The following LRRC7 variants were observed in gnomAD, a reference collection of about 807,000 sequenced individuals.
The protein encoded by LRRC7 is leucine-rich repeat-containing protein 7.
In LRRC7, 23 loss-of-function variants were observed where a neutral mutation model predicts 175.7. That is an observed-to-expected ratio of 0.13 (90% CI 0.09 to 0.19). The LOEUF (loss-of-function observed/expected upper bound fraction) is 0.19, where lower values mean the gene tolerates loss of function less well. LRRC7 is among the 10% of genes least tolerant of loss of function. LRRC7 has a pLI of 1.00. For synonymous variants in LRRC7, 685 were observed against 680.9 expected, an observed-to-expected ratio of 1.01 and a Z score of -0.09; for missense variants, 1,354 against 1,904.7, an observed-to-expected ratio of 0.71 and a Z score of 5.38.
At chr1:70,025,530 A>G (rs1274477201) in intron 17 of LRRC7, among the ~76,000 whole-genome samples, 1 of 152,080 alleles carries the variant, frequency 6.6e-6, no homozygotes, top group Non-Finnish European at 1.5e-5. Flanking sequence ...CATTAGAAGT[A>G]GTATCTCATC....
intron 8 of LRRC7, among the ~76,000 whole-genome samples, chr1:69,971,956 A>C (rs1229370707): frequency 6.6e-6 from 1 of 152,232 alleles, no homozygotes; most frequent in Admixed American, 6.5e-5. Flanking sequence ...TAGCGAACTC[A>C]GAAATAAACC....
chr1:69,818,301 G>A (rs189354382), intron 4 of LRRC7, among the ~76,000 whole-genome samples: 5 of 152,062 alleles, frequency 3.3e-5, no homozygotes, highest in Admixed American at 2.0e-4. Context: ...TACCTAATTT[G>A]TGGAGAGTTT....
chr1:69,601,397 G>A (rs10889840), intron 1 of LRRC7, among the ~76,000 whole-genome samples: 38,480 of 151,906 alleles, frequency 0.25, 5,431 homozygotes, highest in East Asian at 0.36. Flanking sequence ...TAACCTCCCC[G>A]TCCAACAGTA....
chr1:70,065,350 C>G (rs1449285920), intron 23 of LRRC7, among the ~76,000 whole-genome samples: 2 of 151,902 alleles, frequency 1.3e-5, no homozygotes, highest in South Asian at 2.1e-4. Flanking sequence ...GTTTTCCCAT[C>G]TAAGAGGAAA....
rs74920052 is a variant in LRRC7 at position 69,727,467 on chromosome 1, A to G, written c.101-32724A>G. On this transcript the variant is annotated intron_variant, in intron 2 of 26. Transcript: ENST00000651989. ...TTAGATAGCTACTTCTTTTACTTAT[A>G]TGTCCTGCAATTAAGTAGCTGTCTT... Among the ~76,000 whole-genome samples the G allele has an allele frequency of 6.2e-3, 951 of 152,258 alleles. 3 individuals carry two copies. Among genetic ancestry groups the G allele is most frequent in the African/African-American group, 0.022 (900 of 41,542 alleles).
chr1:70,015,712 A>G (rs1168608114), intron 13 of LRRC7, among the ~76,000 whole-genome samples: 1 of 152,174 alleles, frequency 6.6e-6, no homozygotes, highest in Non-Finnish European at 1.5e-5. Flanking sequence ...TTGATTGAAT[A>G]CCAAGGCTAA....
intron 8 of LRRC7, among the ~76,000 whole-genome samples, chr1:69,979,694 C>A (rs1480008474): frequency 6.6e-6 from 1 of 152,012 alleles, no homozygotes; most frequent in African/African-American, 2.4e-5. Context: ...AACTATTCAA[C>A]AAATAATTAT....
intron 18 of LRRC7, among the ~76,000 whole-genome samples, chr1:70,034,975 A>G (rs1470995069): frequency 6.6e-6 from 1 of 152,188 alleles, no homozygotes; most frequent in East Asian, 1.9e-4. Context: ...TAAAATTTAT[A>G]GTAAGAGTTT....
At chr1:69,711,856 C>T (rs1035754863) in intron 2 of LRRC7, among the ~76,000 whole-genome samples, 1 of 152,240 alleles carries the variant, frequency 6.6e-6, no homozygotes, top group East Asian at 1.9e-4. Context: ...AGTAGCATGT[C>T]GGAGGCAGGT....
At chr1:69,591,789 ATTC>A (rs1646645757) in intron 1 of LRRC7, among the ~76,000 whole-genome samples, 1 of 151,978 alleles carries the variant, frequency 6.6e-6, no homozygotes, top group South Asian at 2.1e-4. Flanking sequence ...GCCATTTTTT[ATTC>A]TTATTAATGA....
chr1:69,785,444 C>G (rs1466574521), intron 3 of LRRC7, among the ~76,000 whole-genome samples: 1 of 152,100 alleles, frequency 6.6e-6, no homozygotes, highest in East Asian at 1.9e-4. Context: ...TTAATCCATT[C>G]TGACAGTCTG....
Position 69,699,280 on chromosome 1 carries a change from G to A in LRRC7, c.100+20802G>A, listed in dbSNP as rs764948584. ...ATCCCAACCGAGTGTGGTGGCTCAC[G>A]CCTGTAATCCCAGCACTTTGGGAGG... On this transcript the variant is annotated intron_variant, in intron 2 of 26. Transcript: ENST00000651989. 2.6e-5 allele frequency among the ~76,000 whole-genome samples: 4 copies of A among 152,232 alleles called. No homozygotes were observed. The East Asian group carries it at 5.8e-4, about 22-fold the overall frequency.
intron 1 of LRRC7, among the ~76,000 whole-genome samples, chr1:69,626,554 T>A (rs2100348646): frequency 6.6e-6 from 1 of 152,130 alleles, no homozygotes; most frequent in Non-Finnish European, 1.5e-5. Flanking sequence ...TACTTTATTT[T>A]AAAATTTTAT....
At chr1:69,637,080 T>TCTCTCTCTCTCTCTCTCTCTCTC (rs1553130024) in intron 1 of LRRC7, among the ~76,000 whole-genome samples, 3 of 148,692 alleles carry the variant, frequency 2.0e-5, no homozygotes, top group Non-Finnish European at 4.5e-5. Flanking sequence ...CCTTCTCTCT[T>TCTCTCTCTCTCTCTCTCTCTCTC]TCTCTCTCTC....
rs943486114 is a variant in LRRC7, at chr1:70,123,036, A to G, written c.*1149A>G. 2 of 152,482 alleles carry G rather than the reference A, an allele frequency of 1.3e-5. No individual in the cohort carries two copies. Among genetic ancestry groups the G allele is most frequent in the Non-Finnish European group, 2.9e-5 (2 of 67,950 alleles). The allele number at this position is 152,482 out of a possible 1,614,324, so 9.4% of individuals were successfully genotyped here. ...TTTTCTGGGCAGAAATAGATAAAAT[A>G]CTTTTTTTCCAAAAACAGTTTCAAG... On this transcript the variant is annotated 3_prime_UTR_variant, in exon 27 of 27. Transcript: ENST00000651989.
At chr1:69,648,748 G>A (rs1655360685) in intron 1 of LRRC7, among the ~76,000 whole-genome samples, 3 of 152,174 alleles carry the variant, frequency 2.0e-5, no homozygotes, top group Non-Finnish European at 4.4e-5. Flanking sequence ...GGGCTTCTCA[G>A]CTCCTCCACC....
At chr1:69,917,816 T>C (rs1646765639) in intron 7 of LRRC7, among the ~76,000 whole-genome samples, 1 of 152,188 alleles carries the variant, frequency 6.6e-6, no homozygotes, top group African/African-American at 2.4e-5. Context: ...CAAAATCTTT[T>C]AAATCCTTTG....
chr1:70,043,124 A>C (rs1204522630), intron 21 of LRRC7, among the ~76,000 whole-genome samples: 2 of 152,168 alleles, frequency 1.3e-5, no homozygotes, highest in African/African-American at 4.8e-5. Context: ...CTAAAATTTT[A>C]CATCTAATTT....
chr1:69,679,908 G>T (rs769344260), intron 2 of LRRC7, among the ~76,000 whole-genome samples: 5 of 151,998 alleles, frequency 3.3e-5, no homozygotes, highest in Admixed American at 6.6e-5. Flanking sequence ...CACCTTTTTT[G>T]TAAGTACAAT....
Sources: allele counts gnomAD v4.1 joint callset (sites outside exome capture counted in the v4.1 genomes callset), GRCh38; gene constraint gnomAD v4.1.1; transcripts MANE v1.5; gene names NCBI Gene and HGNC (gene_info 2026-07-23, HGNC 2026-07-21).